The following ARB2A variants were observed in gnomAD, a reference collection of about 807,000 sequenced individuals.
ARB2A encodes the protein ARB2 cotranscriptional regulator A.
chr5:93,976,576 A>T, the ARB2A span, among the ~76,000 whole-genome samples: 2 of 152,116 alleles, frequency 1.3e-5, no homozygotes, highest in Admixed American at 1.3e-4. Flanking sequence ...GTGAATTTTC[A>T]TGAGATCTGA....
the ARB2A span, among the ~76,000 whole-genome samples, chr5:93,837,177 T>C: frequency 2.0e-5 from 3 of 152,162 alleles, no homozygotes; most frequent in Admixed American, 2.0e-4. Flanking sequence ...CGTGTTCTCA[T>C]TGTTTAGCTC....
chr5:93,814,404 G>A, the ARB2A span, among the ~76,000 whole-genome samples: 4 of 152,186 alleles, frequency 2.6e-5, no homozygotes, highest in Non-Finnish European at 1.5e-5. Context: ...GACTGAGGCT[G>A]AGAATAAATT....
chr5:93,683,363 A>C, the ARB2A span: 2 of 1,603,148 alleles, frequency 1.2e-6, no homozygotes, highest in Non-Finnish European at 1.7e-6. Context: ...ATCTTCCTCC[A>C]CAGCTACTAA....
At chr5:93,927,722 T>C in the ARB2A span, among the ~76,000 whole-genome samples, 3 of 152,176 alleles carry the variant, frequency 2.0e-5, no homozygotes, top group African/African-American at 7.2e-5. Context: ...TGTTAAAATA[T>C]TAAGAAAATG....
the ARB2A span, among the ~76,000 whole-genome samples, chr5:93,929,705 T>C: frequency 6.6e-6 from 1 of 152,202 alleles, no homozygotes; most frequent in Non-Finnish European, 1.5e-5. Context: ...TAAACTCTTT[T>C]AGGTACAAAT....
the ARB2A span, among the ~76,000 whole-genome samples, chr5:93,899,387 A>G: frequency 6.6e-6 from 1 of 152,136 alleles, no homozygotes; most frequent in Non-Finnish European, 1.5e-5. Flanking sequence ...TGTCTGTAAA[A>G]GTTCTTTTTC....
At chr5:94,092,935 G>A in the ARB2A span, among the ~76,000 whole-genome samples, 3 of 152,094 alleles carry the variant, frequency 2.0e-5, no homozygotes, top group African/African-American at 7.2e-5. Flanking sequence ...TTAAATCTGT[G>A]ATAAATCTTA....
the ARB2A span, among the ~76,000 whole-genome samples, chr5:93,644,377 G>A: frequency 6.6e-6 from 1 of 152,100 alleles, no homozygotes; most frequent in Non-Finnish European, 1.5e-5. Flanking sequence ...CCATTTTGGT[G>A]CAATCAAAAG....
At chr5:94,018,302 G>GC in the ARB2A span, among the ~76,000 whole-genome samples, 1 of 152,090 alleles carries the variant, frequency 6.6e-6, no homozygotes, top group African/African-American at 2.4e-5. Context: ...TCTTACAAAT[G>GC]CCTTTTTCTT....
the ARB2A span, among the ~76,000 whole-genome samples, chr5:93,765,935 G>A: frequency 3.3e-5 from 5 of 152,118 alleles, 1 homozygote; most frequent in Admixed American, 1.3e-4. Flanking sequence ...CAAGCAATGG[G>A]GAAAGGATTC....
the ARB2A span, among the ~76,000 whole-genome samples, chr5:93,663,982 C>A: frequency 6.6e-6 from 1 of 151,990 alleles, no homozygotes; most frequent in African/African-American, 2.4e-5. Flanking sequence ...ATAAGAGGAA[C>A]GCTTTCCAAA....
the ARB2A span, among the ~76,000 whole-genome samples, chr5:93,997,190 C>A: frequency 2.6e-5 from 4 of 152,004 alleles, no homozygotes; most frequent in Non-Finnish European, 4.4e-5. Flanking sequence ...ATATTTCCAT[C>A]AAATCACCAT....
the ARB2A span, among the ~76,000 whole-genome samples, chr5:93,749,751 C>G: frequency 6.6e-6 from 1 of 152,006 alleles, no homozygotes; most frequent in Non-Finnish European, 1.5e-5. Context: ...GTAACATATA[C>G]TTGTTTGTAA....
chr5:93,747,173 T>C, the ARB2A span, among the ~76,000 whole-genome samples: 3 of 152,162 alleles, frequency 2.0e-5, no homozygotes, highest in Non-Finnish European at 2.9e-5. Context: ...GTAATCATAA[T>C]GTGATATGGA....
At chr5:94,110,134 C>T in the ARB2A span, among the ~76,000 whole-genome samples, 6 of 152,154 alleles carry the variant, frequency 3.9e-5, no homozygotes, top group Non-Finnish European at 7.3e-5. Context: ...ATCCGTCCGC[C>T]TCGGCCTCCC....
chr5:93,971,524 G>A, the ARB2A span, among the ~76,000 whole-genome samples: 13 of 150,712 alleles, frequency 8.6e-5, no homozygotes, highest in Non-Finnish European at 1.2e-4. Context: ...CTGAAATAGC[G>A]CCATTGCACT....
chr5:93,624,720 G>C, the ARB2A span, among the ~76,000 whole-genome samples: 1 of 152,108 alleles, frequency 6.6e-6, no homozygotes, highest in Non-Finnish European at 1.5e-5. Flanking sequence ...GGTGTTATTG[G>C]TATTTATTGG....
At chr5:94,010,965 T>C in the ARB2A span, among the ~76,000 whole-genome samples, 1 of 152,154 alleles carries the variant, frequency 6.6e-6, no homozygotes, top group East Asian at 1.9e-4. Flanking sequence ...CTGAGAAATA[T>C]AAGGTAACAA....
At chr5:93,723,583 C>A in the ARB2A span, among the ~76,000 whole-genome samples, 5 of 151,968 alleles carry the variant, frequency 3.3e-5, no homozygotes, top group African/African-American at 9.7e-5. Context: ...GTAACTAGAA[C>A]TTTAGAATGG....
Sources: gnomAD v4.1 joint callset for allele counts (sites outside exome capture counted in the v4.1 genomes callset) on GRCh38, gnomAD v4.1.1 for gene constraint, MANE v1.5 for transcripts, NCBI Gene and HGNC (gene_info 2026-07-23, HGNC 2026-07-21) for gene names.